CENPP: variants seen among roughly 807,000 people sequenced by gnomAD.
CENPP encodes centromere protein P.
Under a neutral mutation model 35.6 loss-of-function variants are expected in CENPP, and 24 were observed. The observed-to-expected ratio is 0.67, with a 90% confidence interval of 0.49 to 0.95. The LOEUF is 0.95. Among genes scored for constraint, CENPP ranks in the 40% least tolerant of loss-of-function variants. The pLI, the probability that CENPP is intolerant of heterozygous loss-of-function variation, is 0.00. For synonymous variants in CENPP, 120 were observed against 125.5 expected, an observed-to-expected ratio of 0.96 and a Z score of 0.29; for missense variants, 332 against 345.3, an observed-to-expected ratio of 0.96 and a Z score of 0.31.
chr9:92,441,029 C>T (rs1019393161), intron 5 of CENPP, among the ~76,000 whole-genome samples: 1 of 152,138 alleles, frequency 6.6e-6, no homozygotes, highest in African/African-American at 2.4e-5. Flanking sequence ...CACCGAACTT[C>T]GTAATGAAGA....
At chr9:92,493,902 C>T (rs1564351568) in intron 5 of CENPP, 3 of 442,084 alleles carry the variant, frequency 6.8e-6, no homozygotes, top group Non-Finnish European at 1.2e-5. Context: ...ACACAGCAAG[C>T]CCACAGTGCG....
At chr9:92,485,021 T>C (rs1846022088) in intron 5 of CENPP, among the ~76,000 whole-genome samples, 1 of 152,182 alleles carries the variant, frequency 6.6e-6, no homozygotes, top group Non-Finnish European at 1.5e-5. Context: ...GCAGATAATG[T>C]GGTAAAGGTG....
chr9:92,390,909 C>T (rs1002180499), intron 5 of CENPP, among the ~76,000 whole-genome samples: 1 of 152,136 alleles, frequency 6.6e-6, no homozygotes, highest in African/African-American at 2.4e-5. Flanking sequence ...AGGCATATCA[C>T]AGCCTTTTTG....
intron 5 of CENPP, among the ~76,000 whole-genome samples, chr9:92,551,916 G>GGTGTGTGTGT (rs146012735): frequency 1.2e-5 from 1 of 86,764 alleles, no homozygotes; most frequent in African/African-American, 4.1e-5. Context: ...TTATATATAT[G>GGTGTGTGTGT]GTGTGTGTGT....
intron 5 of CENPP, among the ~76,000 whole-genome samples, chr9:92,479,044 G>A (rs561660969): frequency 4.6e-5 from 7 of 152,290 alleles, no homozygotes; most frequent in Non-Finnish European, 5.9e-5. Context: ...TCGTGCCACC[G>A]TCAAGAGAGG....
chr9:92,428,019 C>A (rs1844011766), intron 5 of CENPP, among the ~76,000 whole-genome samples: 1 of 152,094 alleles, frequency 6.6e-6, no homozygotes, highest in Non-Finnish European at 1.5e-5. Flanking sequence ...TAAATGGAAT[C>A]AAGTTTGTAA....
chr9:92,511,664 G>A (rs1348590862), intron 5 of CENPP, among the ~76,000 whole-genome samples: 2 of 152,080 alleles, frequency 1.3e-5, no homozygotes, highest in East Asian at 3.9e-4. Context: ...GTTAACAGAG[G>A]TTCCAGATAG....
intron 5 of CENPP, among the ~76,000 whole-genome samples, chr9:92,486,393 G>A (rs1846058408): frequency 6.6e-6 from 1 of 152,180 alleles, no homozygotes. Context: ...TGACCCAGGG[G>A]CAGTATTCAA....
intron 3 of CENPP, among the ~76,000 whole-genome samples, chr9:92,345,022 C>T (rs1487092791): frequency 6.6e-6 from 1 of 151,496 alleles, no homozygotes; most frequent in Non-Finnish European, 1.5e-5. Context: ...GAGGCTGAGG[C>T]AGGTGGATCA....
chr9:92,566,378 A>G (rs530692512), intron 5 of CENPP, among the ~76,000 whole-genome samples: 7 of 152,084 alleles, frequency 4.6e-5, no homozygotes, highest in Non-Finnish European at 8.8e-5. Context: ...AAATAAATAA[A>G]CAGAAACTGT....
chr9:92,405,164 G>T (rs1224105205), intron 5 of CENPP, among the ~76,000 whole-genome samples: 1 of 152,004 alleles, frequency 6.6e-6, no homozygotes, highest in Admixed American at 6.6e-5. Flanking sequence ...AGTTTTTGAG[G>T]TTGATAGTAA....
At chr9:92,524,888 G>A (rs1848298802) in intron 5 of CENPP, among the ~76,000 whole-genome samples, 1 of 152,154 alleles carries the variant, frequency 6.6e-6, no homozygotes, top group South Asian at 2.1e-4. Flanking sequence ...TGATAGGAAG[G>A]AATGGTAAAA....
chr9:92,343,962 CAAAAAAAAAAAAA>C (rs35920973), intron 3 of CENPP, among the ~76,000 whole-genome samples: 6 of 60,988 alleles, frequency 9.8e-5, no homozygotes, highest in Non-Finnish European at 1.5e-4. Context: ...AACCCTGTCT[CAAAAAAAAAAAAA>C]AAAAAAAAAA....
chr9:92,541,605 T>C (rs951039718), intron 5 of CENPP, among the ~76,000 whole-genome samples: 4 of 151,856 alleles, frequency 2.6e-5, no homozygotes, highest in African/African-American at 9.7e-5. Context: ...CTGGCTTATT[T>C]CACTTAGCAT....
At chr9:92,404,282 A>C (rs918312743) in intron 5 of CENPP, among the ~76,000 whole-genome samples, 1 of 152,158 alleles carries the variant, frequency 6.6e-6, no homozygotes, top group Non-Finnish European at 1.5e-5. Context: ...GTTGAAAATG[A>C]AGAAGATAAT....
chr9:92,374,628 T>A (rs1842085355), intron 4 of CENPP, among the ~76,000 whole-genome samples: 3 of 152,338 alleles, frequency 2.0e-5, no homozygotes, highest in African/African-American at 7.2e-5. Flanking sequence ...CCCCCTTATA[T>A]TGTGATTGTC....
chr9:92,611,995 G>C (rs886540818), intron 6 of CENPP, among the ~76,000 whole-genome samples: 1 of 152,244 alleles, frequency 6.6e-6, no homozygotes, highest in Non-Finnish European at 1.5e-5. Flanking sequence ...ACCTCCTCCA[G>C]GGTCATGAGC....
intron 5 of CENPP, among the ~76,000 whole-genome samples, chr9:92,492,015 A>G (rs943295407): frequency 6.6e-6 from 1 of 152,098 alleles, no homozygotes; most frequent in African/African-American, 2.4e-5. Flanking sequence ...ACTGATTCAC[A>G]TTCCTGTTTC....
At chr9:92,357,785 G>A (rs561089597) in intron 4 of CENPP, among the ~76,000 whole-genome samples, 65 of 151,978 alleles carry the variant, frequency 4.3e-4, no homozygotes, top group South Asian at 8.3e-4. Context: ...GTGAGCCACC[G>A]CACCCGGCCA....
Sources: allele counts gnomAD v4.1 joint callset (sites outside exome capture counted in the v4.1 genomes callset), GRCh38; gene constraint gnomAD v4.1.1; transcripts MANE v1.5; gene names NCBI Gene and HGNC (gene_info 2026-07-23, HGNC 2026-07-21).